The following SNX4 variants were observed in gnomAD, a reference collection of about 807,000 sequenced individuals.
SNX4 encodes sorting nexin 4.
In SNX4, 49 loss-of-function variants were observed where a neutral mutation model predicts 70.8. The observed-to-expected ratio is 0.69, with a 90% confidence interval of 0.55 to 0.88. SNX4 has a LOEUF of 0.88. SNX4 is among the 40% of genes least tolerant of loss of function. The pLI is 0.00. For synonymous variants in SNX4, 206 were observed against 183.8 expected (o/e 1.12, Z -0.98); for missense variants, 528 against 544.8 (o/e 0.97, Z 0.31).
intron 12 of SNX4, among the ~76,000 whole-genome samples, chr3:125,452,275 T>G (rs1351811574): frequency 6.6e-6 from 1 of 151,976 alleles, no homozygotes; most frequent in African/African-American, 2.4e-5. Context: ...TTTGTATTTT[T>G]AGTAGAGACA....
At chr3:125,513,412 T>C (rs1580012680) in intron 1 of SNX4, among the ~76,000 whole-genome samples, 1 of 152,330 alleles carries the variant, frequency 6.6e-6, no homozygotes, top group East Asian at 1.9e-4. Context: ...ACTAAGACAG[T>C]ACCTAATTCA....
chr3:125,460,517 G>A (rs1416140191), intron 10 of SNX4, among the ~76,000 whole-genome samples: 3 of 152,152 alleles, frequency 2.0e-5, no homozygotes, highest in Admixed American at 6.6e-5. Context: ...TGGAAAAAGT[G>A]GAAACAACAA....
chr3:125,478,418 C>CTTTTCT (rs1934333284), intron 7 of SNX4, among the ~76,000 whole-genome samples: 1 of 145,494 alleles, frequency 6.9e-6, no homozygotes, highest in Admixed American at 6.9e-5. Flanking sequence ...TTTTTCTTTT[C>CTTTTCT]TTTTTTTTTT....
chr3:125,492,675 CTT>C (rs1472479593), intron 5 of SNX4, among the ~76,000 whole-genome samples: 5 of 152,140 alleles, frequency 3.3e-5, no homozygotes, highest in Admixed American at 6.6e-5. Flanking sequence ...TAAATGCTAA[CTT>C]AATGTCTCCA....
intron 10 of SNX4, among the ~76,000 whole-genome samples, chr3:125,457,661 T>C (rs559699960): frequency 3.6e-5 from 5 of 140,568 alleles, no homozygotes; most frequent in Admixed American, 7.7e-5. Context: ...CACTGCAACC[T>C]CCGCCTCCCG....
intron 6 of SNX4, among the ~76,000 whole-genome samples, chr3:125,486,504 T>C (rs1934537344): frequency 6.6e-6 from 1 of 152,118 alleles, no homozygotes; most frequent in African/African-American, 2.4e-5. Context: ...CGGGTGCCTA[T>C]AGTCCCAGCT....
chr3:125,515,008 T>C (rs556770694), intron 1 of SNX4, among the ~76,000 whole-genome samples: 60 of 152,010 alleles, frequency 3.9e-4, no homozygotes, highest in Non-Finnish European at 8.7e-4. Context: ...TATCAGAAAG[T>C]GTTGCATGCA....
chr3:125,499,245 TTCTAAACATTATCAGGACC>T (rs1462127236), intron 2 of SNX4, among the ~76,000 whole-genome samples: 64 of 152,330 alleles, frequency 4.2e-4, no homozygotes, highest in African/African-American at 1.5e-3. Context: ...AGCACCAGTC[TTCTAAACATTATCAGGACC>T]TTGCTATTTT....
intron 7 of SNX4, among the ~76,000 whole-genome samples, chr3:125,478,490 T>G (rs989245935): frequency 3.9e-5 from 6 of 152,016 alleles, no homozygotes; most frequent in African/African-American, 1.4e-4. Flanking sequence ...TTAACAGTTT[T>G]TTTTCTGTAG....
rs1388017736 is a variant in SNX4 at position 125,497,900 on chromosome 3, A to AC, written c.482_483insG (p.Phe161LeufsTer13). The stretch of plus-strand genomic sequence containing the variant: ...TGGGATGTGAAGCAATCCTCAAGAG[A>AC]AAGTTTTCTAAACCAATCCGTCGCC... On this transcript the variant is annotated frameshift_variant, in exon 4 of 14. Coordinates refer to ENST00000251775, the MANE Select transcript of SNX4 (RefSeq NM_003794.4). LOFTEE classifies it high-confidence loss of function. 6.8e-6 allele frequency: 11 copies of AC among 1,614,170 alleles called. No individual in the cohort carries two copies. Among genetic ancestry groups the AC allele is most frequent in the Non-Finnish European group, 9.3e-6 (11 of 1,179,994 alleles).
intron 8 of SNX4, among the ~76,000 whole-genome samples, chr3:125,470,980 C>A (rs993188995): frequency 6.6e-6 from 1 of 152,144 alleles, no homozygotes. Context: ...AGCCTAGAAC[C>A]AACCTCCAAC....
At chr3:125,461,640 A>G (rs951957957) in intron 9 of SNX4, among the ~76,000 whole-genome samples, 1 of 151,996 alleles carries the variant, frequency 6.6e-6, no homozygotes, top group Non-Finnish European at 1.5e-5. Context: ...GTTGGAGAAA[A>G]TTTTAGAAGC....
intron 9 of SNX4, 67 bp from the exon 10 acceptor site, chr3:125,460,927 C>T: frequency 1.2e-6 from 1 of 803,058 alleles, no homozygotes; most frequent in Non-Finnish European, 1.9e-6. Flanking sequence ...TATTAGGGTT[C>T]TAGAGAAGTG....
intron 6 of SNX4, among the ~76,000 whole-genome samples, chr3:125,487,236 A>G (rs1411779289): frequency 6.6e-6 from 1 of 152,180 alleles, no homozygotes; most frequent in Non-Finnish European, 1.5e-5. Flanking sequence ...AATATACACA[A>G]TTATCCAGAA....
chr3:125,519,894 A>T, intron 1 of SNX4, 138 bp downstream of exon 1: 1 of 747,228 alleles, frequency 1.3e-6, no homozygotes, highest in Non-Finnish European at 2.0e-6. Context: ...CCGCCTTTCC[A>T]CCTCGCTCCC....
intron 6 of SNX4, among the ~76,000 whole-genome samples, chr3:125,481,990 T>A (rs999475798): frequency 1.3e-5 from 2 of 152,012 alleles, no homozygotes; most frequent in African/African-American, 4.8e-5. Flanking sequence ...TGCCTCAGCC[T>A]CCCAAACAGC....
At chr3:125,513,768 C>G (rs189332483) in intron 1 of SNX4, among the ~76,000 whole-genome samples, 96 of 152,260 alleles carry the variant, frequency 6.3e-4, no homozygotes, top group Admixed American at 2.3e-3. Flanking sequence ...CTACACAGAT[C>G]AGAGGTAGCT....
At chr3:125,471,206 T>C (rs1934161352) in intron 8 of SNX4, among the ~76,000 whole-genome samples, 1 of 151,564 alleles carries the variant, frequency 6.6e-6, no homozygotes, top group South Asian at 2.1e-4. Context: ...TAGCCAGGCA[T>C]GGTGGCACAT....
chr3:125,476,685 T>A lies in SNX4; in HGVS notation c.788+10A>T. The A allele has an allele frequency of 2.6e-6, 4 of 1,545,416 alleles. No individual in the cohort carries two copies. The highest frequency in any genetic ancestry group is 2.3e-5 in the South Asian group (2 of 87,978). ...AAGCTAATTATTTTTAAAGTTTGTATGATGCTTACCTGAAAACTCGACCAT... is the reference window on the plus strand; with the variant it reads ...AAGCTAATTATTTTTAAAGTTTGTAAGATGCTTACCTGAAAACTCGACCAT... On this transcript the variant is annotated intron_variant, in intron 8 of 13. Coordinates refer to ENST00000251775, the MANE Select transcript of SNX4 (RefSeq NM_003794.4).
Sources: gnomAD v4.1 joint callset for allele counts (sites outside exome capture counted in the v4.1 genomes callset) on GRCh38, gnomAD v4.1.1 for gene constraint, MANE v1.5 for transcripts, NCBI Gene and HGNC (gene_info 2026-07-23, HGNC 2026-07-21) for gene names.